Variants in ZNF451 observed in about 807,000 individuals in gnomAD.
ZNF451 encodes zinc finger protein 451, also known as E3 SUMO-protein ligase ZNF451.
Under a neutral mutation model 107.1 loss-of-function variants are expected in ZNF451, and 80 were observed. The ratio of observed to expected loss-of-function variants is 0.75; its 90% CI spans 0.62 to 0.90. ZNF451 has a LOEUF of 0.90. ZNF451 is among the 40% of genes least tolerant of loss of function. The probability of loss-of-function intolerance (pLI) is 0.00; values close to 1 mark genes in which losing one functional copy is unlikely to be tolerated. For synonymous variants in ZNF451, 362 were observed against 406.5 expected (o/e 0.89, Z 1.32); for missense variants, 1,107 against 1,236.2 (o/e 0.90, Z 1.57).
intron 3 of ZNF451, among the ~76,000 whole-genome samples, chr6:57,115,867 A>C (rs1830341682): frequency 6.6e-6 from 1 of 152,220 alleles, no homozygotes; most frequent in Non-Finnish European, 1.5e-5. Flanking sequence ...TTATTTAAAG[A>C]CATTAGTCCA....
intron 9 of ZNF451, 89 bp downstream of exon 9, chr6:57,142,184 C>G: frequency 7.1e-7 from 1 of 1,411,946 alleles, no homozygotes; most frequent in South Asian, 1.6e-5. Context: ...CCATGTTTCT[C>G]TCCTTTTAAA....
At chr6:57,124,264 T>C (rs1376357693) in intron 3 of ZNF451, among the ~76,000 whole-genome samples, 2 of 152,204 alleles carry the variant, frequency 1.3e-5, no homozygotes, top group Non-Finnish European at 2.9e-5. Context: ...GGATCATGTG[T>C]GAGGGCCCCT....
intron 4 of ZNF451, among the ~76,000 whole-genome samples, chr6:57,127,109 C>G (rs1051786683): frequency 2.0e-5 from 3 of 151,990 alleles, no homozygotes; most frequent in Admixed American, 2.0e-4. Flanking sequence ...TTTGGATAGG[C>G]TAACTTTGAT....
chr6:57,163,373 C>G (rs1763751853), intron 14 of ZNF451, among the ~76,000 whole-genome samples: 1 of 135,076 alleles, frequency 7.4e-6, no homozygotes, highest in East Asian at 2.2e-4. Context: ...TTTTATTTAT[C>G]TTTACTTCAG....
chr6:57,164,213 A>C (rs1439863434), intron 14 of ZNF451, among the ~76,000 whole-genome samples: 2 of 152,232 alleles, frequency 1.3e-5, no homozygotes, highest in Non-Finnish European at 2.9e-5. Flanking sequence ...TGAAAAGTAC[A>C]GTCTTTGGAT....
intron 13 of ZNF451, among the ~76,000 whole-genome samples, chr6:57,158,060 C>T (rs1293642281): frequency 6.6e-6 from 1 of 152,152 alleles, no homozygotes; most frequent in Non-Finnish European, 1.5e-5. Context: ...TTGGATTACC[C>T]CATTTTATAA....
chr6:57,093,774 CAGAG>C lies in ZNF451; in HGVS notation c.105+2883_105+2886del, dbSNP rs1348567102. 4.6e-5 allele frequency among the ~76,000 whole-genome samples: 7 copies of C among 152,290 alleles called. No individual in the cohort carries two copies. The South Asian group carries it at 8.3e-4, about 18-fold the overall frequency. On this transcript the variant is annotated intron_variant, in intron 2 of 14. Coordinates refer to ENST00000370706, the MANE Select transcript of ZNF451 (RefSeq NM_001031623.3). ...AAGGAAAGGCATCAGAATGGGAAAG[CAGAG>C]AGGATTATGTGTAGTCGTGAAAGAT...
At chr6:57,168,355 C>A in intron 14 of ZNF451, 68 bp from the exon 15 acceptor site, 1 of 1,118,306 alleles carries the variant, frequency 8.9e-7, no homozygotes, top group Non-Finnish European at 1.3e-6. Context: ...GTCGATGAAA[C>A]TTAAATAAAT....
rs138601656 is a variant in ZNF451 at position 57,104,418 on chromosome 6, C to T, written c.186+5277C>T. 1.2e-4 allele frequency: 115 copies of T among 985,304 alleles called. No homozygotes were observed. The African/African-American group carries it at 1.8e-3, about 16-fold the overall frequency. The allele number at this position is 985,304 out of a possible 1,614,324, so 61.0% of individuals were successfully genotyped here. ...AGGCTACTTCAGACTTTTCACTTTC[C>T]ATTTGTCCCCTTTTCCTTCCCTGAA... On this transcript the variant is annotated intron_variant, in intron 3 of 14. Transcript: ENST00000370706.
At chr6:57,092,839 C>G (rs549761028) in intron 2 of ZNF451, 3 of 152,188 alleles carry the variant, frequency 2.0e-5, no homozygotes, top group Admixed American at 6.5e-5. Flanking sequence ...GAATCTGAAA[C>G]TAAACACAGC....
At chr6:57,098,016 C>G (rs1218210090) in intron 2 of ZNF451, among the ~76,000 whole-genome samples, 3 of 149,692 alleles carry the variant, frequency 2.0e-5, no homozygotes, top group African/African-American at 7.3e-5. Context: ...GTTGCCCGGG[C>G]TGGAGTGCAG....
chr6:57,168,444 T>C lies in ZNF451; in HGVS notation c.3161T>C (p.Ile1054Thr). ...STEDVELEEA[I>T]RRSLEEM The stretch of plus-strand genomic sequence containing the variant: ...GCAGATGTGGAATTAGAAGAAGCTA[T>C]TAGAAGAAGTCTTGAGGAAATGTAA... The change falls in exon 15 of 15, where the codon ATT becomes ACT. Residue 1054 changes from isoleucine (I) to threonine (T), a missense_variant. Ile to Thr is a moderately conservative substitution (Grantham distance 89). Coordinates refer to ENST00000370706, the MANE Select transcript of ZNF451 (RefSeq NM_001031623.3). The C allele has an allele frequency of 6.2e-7, 1 of 1,608,614 alleles. No homozygotes were observed. Among genetic ancestry groups the C allele is most frequent in the Non-Finnish European group, 8.5e-7 (1 of 1,177,316 alleles).
rs1166206419 is a variant in ZNF451 at position 57,106,889 on chromosome 6, CA to C, written c.186+7751del. On this transcript the variant is annotated intron_variant, in intron 3 of 14. Coordinates refer to ENST00000370706, the MANE Select transcript of ZNF451 (RefSeq NM_001031623.3). ...AAACTGGTGATTATTGTATTGAATG[CA>C]AATCTTTTTATTATTTTTCCAGATA... is the stretch of plus-strand genomic sequence containing the variant. The C allele has an allele frequency of 8.4e-6, 8 of 956,256 alleles. No homozygotes were observed. The South Asian group carries it at 3.9e-4, about 46-fold the overall frequency. 59.2% of individuals were successfully genotyped at this position (956,256 alleles called of 1,614,324 possible). A position where few individuals can be genotyped will look rare whatever the true frequency, so the allele number is the denominator to read the frequency against.
At chr6:57,113,441 C>T (rs1474961918) in intron 3 of ZNF451, among the ~76,000 whole-genome samples, 1 of 151,680 alleles carries the variant, frequency 6.6e-6, no homozygotes, top group African/African-American at 2.4e-5. Context: ...TCCATTAATT[C>T]CGCATTCCCT....
At chr6:57,129,078 A>G (rs1390753160) in intron 5 of ZNF451, among the ~76,000 whole-genome samples, 1 of 152,138 alleles carries the variant, frequency 6.6e-6, no homozygotes, top group African/African-American at 2.4e-5. Flanking sequence ...CTCATTAGAT[A>G]TTACTCATTT....
chr6:57,099,684 GT>G (rs1305642091), intron 3 of ZNF451: 2 of 571,762 alleles, frequency 3.5e-6, no homozygotes, highest in Admixed American at 2.9e-5. Flanking sequence ...CTGGTTGTAG[GT>G]TTGACCCTTG....
intron 3 of ZNF451, chr6:57,106,471 T>C (rs899167280): frequency 3.9e-5 from 22 of 559,790 alleles, no homozygotes; most frequent in African/African-American, 3.5e-4. Context: ...CATGACCTGC[T>C]AATTTTGTAT....
At chr6:57,158,465 A>G in intron 13 of ZNF451, 2 of 976,540 alleles carry the variant, frequency 2.0e-6, no homozygotes, top group Non-Finnish European at 2.4e-6. Flanking sequence ...TTAGCATTCT[A>G]ATTTCTTTAG....
At chr6:57,099,595 A>C (rs1045618910) in intron 3 of ZNF451, 3 of 701,230 alleles carry the variant, frequency 4.3e-6, no homozygotes, top group Non-Finnish European at 7.9e-6. Context: ...TTTATAGGGG[A>C]TATATTACTT....
Sources: gnomAD v4.1 joint callset for allele counts (sites outside exome capture counted in the v4.1 genomes callset) on GRCh38, gnomAD v4.1.1 for gene constraint, MANE v1.5 for transcripts, NCBI Gene and HGNC (gene_info 2026-07-23, HGNC 2026-07-21) for gene names.